The following DIP2C variants were observed in gnomAD, a reference collection of about 807,000 sequenced individuals.
DIP2C encodes DIP2 acetate--CoA ligase C (putative).
A neutral mutation model predicts 192.4 loss-of-function variants in DIP2C; 33 were observed. The observed-to-expected ratio is 0.17, with a 90% CI of 0.13 to 0.23. DIP2C has a LOEUF of 0.23. Ranked by LOEUF, DIP2C falls within the 10% of genes least tolerant of loss-of-function variation. The pLI is 1.00. For missense variants in DIP2C, 1,537 were observed against 2,110.1 expected, an observed-to-expected ratio of 0.73 and a Z score of 5.32; for synonymous variants, 979 against 864.1, an observed-to-expected ratio of 1.13 and a Z score of -2.33.
chr10:346,438 G>A lies in DIP2C; in HGVS notation c.3232-1328C>T, dbSNP rs1279067636. Among the ~76,000 whole-genome samples, 2 of 54,136 alleles carry A rather than the reference G, an allele frequency of 3.7e-5. 1 individual carries two copies. The highest frequency in any genetic ancestry group is 1.8e-4 in the African/African-American group (2 of 11,312). The allele number at this position is 54,136 out of a possible 152,430, so 35.5% of individuals were successfully genotyped here. ...AGACATATCGCGTATAGTTCTCCCG[G>A]AAACGTCACACACACCCAACCCAGA... On this transcript the variant is annotated intron_variant, in intron 26 of 36. Coordinates refer to ENST00000280886, the MANE Select transcript of DIP2C (RefSeq NM_014974.3).
intron 3 of DIP2C, among the ~76,000 whole-genome samples, chr10:457,438 T>C (rs1039625060): frequency 1.3e-5 from 2 of 152,268 alleles, no homozygotes; most frequent in Admixed American, 1.3e-4. Context: ...CTAACCTGTT[T>C]CTGCCTTCAG....
intron 1 of DIP2C, among the ~76,000 whole-genome samples, chr10:577,447 G>A (rs1850242237): frequency 6.6e-6 from 1 of 152,216 alleles, no homozygotes; most frequent in African/African-American, 2.4e-5. Context: ...ACTTTCTCAT[G>A]CTAAGCCGTC....
intron 4 of DIP2C, among the ~76,000 whole-genome samples, chr10:435,879 TG>T (rs1200257398): frequency 6.6e-6 from 1 of 152,238 alleles, no homozygotes; most frequent in Non-Finnish European, 1.5e-5. Flanking sequence ...TGTCTTTTGC[TG>T]TATCAGACAT....
chr10:388,939 T>C (rs1274690927), intron 13 of DIP2C, among the ~76,000 whole-genome samples: 1 of 112,902 alleles, frequency 8.9e-6, no homozygotes, highest in African/African-American at 3.4e-5. Context: ...TCCTAAGGGA[T>C]CTCAGGGACA....
chr10:632,539 C>T (rs816567), intron 1 of DIP2C, among the ~76,000 whole-genome samples: 2 of 37,108 alleles, frequency 5.4e-5, no homozygotes, highest in Admixed American at 2.4e-4. Flanking sequence ...CTGGAGACCA[C>T]GCGGGCACCG....
At chr10:615,623 A>C (rs1220344290) in intron 1 of DIP2C, among the ~76,000 whole-genome samples, 1 of 149,370 alleles carries the variant, frequency 6.7e-6, no homozygotes, top group African/African-American at 2.6e-5. Context: ...ATACACACAC[A>C]CACCCGCCCC....
At chr10:504,793 C>T (rs187736752) in intron 1 of DIP2C, among the ~76,000 whole-genome samples, 2 of 152,358 alleles carry the variant, frequency 1.3e-5, no homozygotes, top group Non-Finnish European at 2.9e-5. Context: ...TAACAGAAGG[C>T]AATAGCTATA....
intron 3 of DIP2C, among the ~76,000 whole-genome samples, chr10:455,985 CA>C (rs1969260752): frequency 4.3e-5 from 2 of 46,688 alleles, no homozygotes; most frequent in Non-Finnish European, 7.2e-5. Context: ...AAACACTCTG[CA>C]GTGAGTCCCT....
chr10:367,654 G>A (rs1036599270), intron 18 of DIP2C, among the ~76,000 whole-genome samples: 3 of 152,176 alleles, frequency 2.0e-5, no homozygotes, highest in African/African-American at 7.2e-5. Context: ...TAGACACGAG[G>A]GGGTCACTCA....
At chr10:347,331 T>A (rs1480117571) in intron 26 of DIP2C, among the ~76,000 whole-genome samples, 13 of 105,342 alleles carry the variant, frequency 1.2e-4, no homozygotes, top group Non-Finnish European at 5.4e-5. Context: ...CGCGTATAGT[T>A]CTCCCGGAAA....
chr10:439,632 C>CA (rs1231203781), intron 4 of DIP2C, among the ~76,000 whole-genome samples: 1 of 151,980 alleles, frequency 6.6e-6, no homozygotes, highest in Non-Finnish European at 1.5e-5. Context: ...TCAAAACAAA[C>CA]AAAAAACAAC....
intron 1 of DIP2C, among the ~76,000 whole-genome samples, chr10:594,368 C>A (rs1167307790): frequency 6.6e-6 from 1 of 152,114 alleles, no homozygotes; most frequent in Admixed American, 6.6e-5. Flanking sequence ...CAAACCATTT[C>A]AACATAAGGG....
chr10:568,799 C>CAAAA (rs922604069), intron 1 of DIP2C, among the ~76,000 whole-genome samples: 5 of 98,828 alleles, frequency 5.1e-5, no homozygotes, highest in South Asian at 2.9e-4. Flanking sequence ...AAAAAAAAAA[C>CAAAA]CTTCACTTGA....
At position 343,909 on chromosome 10, in the gene DIP2C, C is replaced by T. The variant is rs558818705; in HGVS notation, c.3453+900G>A. ...TCAGGATCCAGTGGGAATTCACAGA[C>T]GAGGGCATGGACAACCGTGTATGGG... On this transcript the variant is annotated intron_variant, in intron 28 of 36. Coordinates refer to ENST00000280886, the MANE Select transcript of DIP2C (RefSeq NM_014974.3). 1.1e-4 allele frequency among the ~76,000 whole-genome samples: 17 copies of T among 152,304 alleles called. No homozygotes were observed. In the South Asian group the frequency reaches 1.2e-3, roughly 11 times the overall value.
intron 17 of DIP2C, among the ~76,000 whole-genome samples, chr10:380,641 T>G (rs1288717435): frequency 6.6e-6 from 1 of 152,240 alleles, no homozygotes; most frequent in Non-Finnish European, 1.5e-5. Context: ...TCTTTCTTCT[T>G]TAAAAAACAT....
intron 31 of DIP2C, among the ~76,000 whole-genome samples, chr10:314,200 C>T (rs932437539): frequency 1.3e-5 from 2 of 152,256 alleles, no homozygotes; most frequent in East Asian, 1.9e-4. Context: ...GAAATGTTAC[C>T]GGCTTAGAGA....
chr10:526,580 T>C (rs1847066500), intron 1 of DIP2C, among the ~76,000 whole-genome samples: 1 of 152,018 alleles, frequency 6.6e-6, no homozygotes, highest in Admixed American at 6.5e-5. Context: ...TCTTTTATGT[T>C]AGTTTTACAT....
Position 277,459 on chromosome 10 carries a change from T to C in DIP2C, c.4537A>G (p.Ile1513Val), listed in dbSNP as rs1008644363. The change falls in exon 37 of 37, where the codon ATC (isoleucine) becomes GTC (valine). Residue 1513 changes from isoleucine (I) to valine (V), a missense_variant. Around this residue, in one of 4 missense-constraint regions of DIP2C, gnomAD observed 341 missense variants for 551.7 expected, o/e 0.62. Coordinates refer to ENST00000280886, the MANE Select transcript of DIP2C (RefSeq NM_014974.3). ...TCCACCACGACCACCACTCCGACGA[T>C]CAGGTAGTGCTCCTCCAGGACCACG... ...TNVVLEEHYL[I>V]VGVVVVVDIG... 7 of 1,613,996 alleles carry C rather than the reference T, an allele frequency of 4.3e-6. No individual in the cohort carries two copies. The highest frequency in any genetic ancestry group is 5.9e-6 in the Non-Finnish European group (7 of 1,180,038).
chr10:678,757 T>C lies in DIP2C; in HGVS notation c.85+10737A>G, dbSNP rs10904540. ...TCCCCGCGCCCATCTCTGCTCCCCA[T>C]GTCCATGCTCCCCGCACCTGTCCTC... On this transcript the variant is annotated intron_variant, in intron 1 of 36. Transcript: ENST00000280886. 5.9e-4 allele frequency among the ~76,000 whole-genome samples: 16 copies of C among 27,330 alleles called. 1 individual carries two copies. Among genetic ancestry groups the C allele is most frequent in the African/African-American group, 2.5e-3 (15 of 5,980 alleles). 17.9% of individuals were successfully genotyped at this position (27,330 alleles called of 152,430 possible). A position where few individuals can be genotyped will look rare whatever the true frequency, so the allele number is the denominator to read the frequency against.
Sources: allele counts gnomAD v4.1 joint callset (sites outside exome capture counted in the v4.1 genomes callset), GRCh38; gene constraint gnomAD v4.1.1; regional missense constraint gnomAD v4.1.1; transcripts MANE v1.5; gene names NCBI Gene and HGNC (gene_info 2026-07-23, HGNC 2026-07-21).